Variants in ITGB3 observed in about 807,000 individuals in gnomAD.
The protein encoded by ITGB3 is integrin beta-3.
ITGB3 carries 48 observed loss-of-function variants against 85.8 expected under a neutral mutation model. That is an observed-to-expected ratio of 0.56 (90% CI 0.44 to 0.71). ITGB3 has a LOEUF of 0.71. Ranked by LOEUF, ITGB3 falls within the 30% of genes least tolerant of loss-of-function variation. ITGB3 has a pLI of 0.00. For missense variants in ITGB3, 861 were observed against 1,019.1 expected, an observed-to-expected ratio of 0.84 and a Z score of 2.11; for synonymous variants, 363 against 395.6, an observed-to-expected ratio of 0.92 and a Z score of 0.98.
chr17:47,282,948 CA>C (rs1179068391), intron 2 of ITGB3, among the ~76,000 whole-genome samples: 1 of 152,210 alleles, frequency 6.6e-6, no homozygotes, highest in African/African-American at 2.4e-5. Context: ...TTGGGACCCA[CA>C]AATGTGTGGT....
chr17:47,306,546 G>A (rs997259060), intron 13 of ITGB3, among the ~76,000 whole-genome samples: 4 of 152,200 alleles, frequency 2.6e-5, no homozygotes, highest in Non-Finnish European at 4.4e-5. Flanking sequence ...CCAAGTGCTG[G>A]CATTATAGGC....
intron 1 of ITGB3, among the ~76,000 whole-genome samples, chr17:47,257,809 G>A (rs1379185445): frequency 1.3e-5 from 2 of 152,190 alleles, no homozygotes; most frequent in Non-Finnish European, 2.9e-5. Context: ...CGTTAGAAGG[G>A]CAACATTCTC....
intron 4 of ITGB3, 82 bp downstream of exon 4, chr17:47,284,777 A>G: frequency 6.3e-7 from 1 of 1,579,022 alleles, no homozygotes; most frequent in Non-Finnish European, 8.7e-7. Context: ...TAGCTCTAGG[A>G]TCACTTTGTT....
Position 47,290,222 on chromosome 17 carries a change from T to C in ITGB3, c.1073T>C (p.Val358Ala). Residue 358 changes from valine to alanine, a missense_variant, in exon 8 of 15, where the codon GTT (valine) becomes GCT (alanine). By Grantham distance (64) the Val-to-Ala change is moderately conservative. Coordinates refer to ENST00000559488, the MANE Select transcript of ITGB3 (RefSeq NM_000212.3). Reference sequence around the variant, plus strand: ...CTCATCCCAGGGACCACAGTTGGGGTTCTGTCCATGGATTCCAGCAATGTC... The same window carrying C: ...CTCATCCCAGGGACCACAGTTGGGGCTCTGTCCATGGATTCCAGCAATGTC... Reference protein sequence around the residue: ...SELIPGTTVGVLSMDSSNVLQ... With the variant: ...SELIPGTTVGALSMDSSNVLQ... 1 of 1,614,070 alleles carries C rather than the reference T, an allele frequency of 6.2e-7. No homozygotes were observed. The highest frequency in any genetic ancestry group is 8.5e-7 in the Non-Finnish European group (1 of 1,179,962).
chr17:47,269,400 T>C (rs114408835), intron 1 of ITGB3, among the ~76,000 whole-genome samples: 506 of 152,348 alleles, frequency 3.3e-3, no homozygotes, highest in African/African-American at 0.012. Flanking sequence ...CTGTATGCTT[T>C]GCTGCCTAGA....
At chr17:47,265,326 G>A (rs2065021540) in intron 1 of ITGB3, among the ~76,000 whole-genome samples, 1 of 152,044 alleles carries the variant, frequency 6.6e-6, no homozygotes, top group Admixed American at 6.6e-5. Flanking sequence ...CCACAAACTG[G>A]GTGGCATAAA....
At chr17:47,292,016 A>G (rs1342519070) in intron 9 of ITGB3, 123 bp from the exon 10 acceptor site, 8 of 974,974 alleles carry the variant, frequency 8.2e-6, no homozygotes, top group Non-Finnish European at 1.3e-5. Context: ...CCAGATTGCA[A>G]AAGCATAAGA....
chr17:47,273,751 C>T (rs1555571655), intron 1 of ITGB3, among the ~76,000 whole-genome samples: 2 of 152,226 alleles, frequency 1.3e-5, no homozygotes, highest in African/African-American at 2.4e-5. Context: ...AATTCAAGCA[C>T]AAACCTTCCA....
intron 2 of ITGB3, among the ~76,000 whole-genome samples, chr17:47,277,899 A>G (rs1055698260): frequency 3.3e-5 from 5 of 152,224 alleles, no homozygotes; most frequent in Admixed American, 3.3e-4. Context: ...ACATTTCTTT[A>G]TAATCACAAA....
intron 1 of ITGB3, among the ~76,000 whole-genome samples, chr17:47,256,476 C>G (rs531798629): frequency 6.1e-5 from 9 of 148,710 alleles, no homozygotes; most frequent in South Asian, 2.1e-4. Context: ...GAGTAATACC[C>G]CCCCCCCCAA....
chr17:47,258,742 G>GC lies in ITGB3; in HGVS notation c.79+4809dup, dbSNP rs543316800. Among the ~76,000 whole-genome samples, 32 of 152,052 alleles carry GC rather than the reference G, an allele frequency of 2.1e-4. 1 individual carries two copies. In the South Asian group the frequency reaches 3.9e-3, roughly 19 times the overall value. On this transcript the variant is annotated intron_variant, in intron 1 of 14. Coordinates refer to ENST00000559488, the MANE Select transcript of ITGB3 (RefSeq NM_000212.3). Reference sequence around the variant, plus strand: ...ACAGGCGTGAGCTACTGTGCCAGGTGCCCCCCCAGCTCTTTTGTAATCGAT... The same window carrying GC: ...ACAGGCGTGAGCTACTGTGCCAGGTGCCCCCCCCAGCTCTTTTGTAATCGAT...
At chr17:47,254,117 G>A (rs916325695) in intron 1 of ITGB3, among the ~76,000 whole-genome samples, 177 bp downstream of exon 1, 2 of 152,176 alleles carry the variant, frequency 1.3e-5, no homozygotes. Flanking sequence ...TGGCCCGGCG[G>A]TGGCGGGGCT....
intron 1 of ITGB3, among the ~76,000 whole-genome samples, chr17:47,268,291 A>G (rs1407872726): frequency 6.6e-6 from 1 of 152,190 alleles, no homozygotes. Context: ...ACATTTCAAA[A>G]CACAATCATG....
chr17:47,255,968 AAAAT>A (rs574713478), intron 1 of ITGB3, among the ~76,000 whole-genome samples: 23 of 150,966 alleles, frequency 1.5e-4, no homozygotes, highest in African/African-American at 4.6e-4. Flanking sequence ...CAACTCAGTA[AAAAT>A]AAATAAATAA....
At position 47,310,914 on chromosome 17, in the gene ITGB3, T is replaced by C. The variant is rs1567772020; in HGVS notation, c.*710T>C. The C allele has an allele frequency of 6.4e-6, 1 of 157,336 alleles. No individual in the cohort carries two copies. The highest frequency in any genetic ancestry group is 1.9e-4 in the South Asian group (1 of 5,192). The allele number at this position is 157,336 out of a possible 1,614,324, so 9.7% of individuals were successfully genotyped here. The stretch of plus-strand genomic sequence containing the variant: ...GGATGTCTGGGCCACTCAGGGGTCA[T>C]TCATGGCCTGGGGGATGTACCAGCA... On this transcript the variant is annotated 3_prime_UTR_variant, in exon 15 of 15. Transcript: ENST00000559488.
At chr17:47,282,923 C>T (rs960308473) in intron 2 of ITGB3, among the ~76,000 whole-genome samples, 1 of 152,142 alleles carries the variant, frequency 6.6e-6, no homozygotes, top group Admixed American at 6.5e-5. Flanking sequence ...ATGGTTGACA[C>T]CTGCTAAATT....
intron 10 of ITGB3, among the ~76,000 whole-genome samples, chr17:47,298,575 A>G (rs766724005): frequency 7.9e-5 from 12 of 152,082 alleles, no homozygotes; most frequent in Non-Finnish European, 1.3e-4. Context: ...TCCCTATGCT[A>G]CAATTTTCCT....
At chr17:47,292,008 A>T in intron 9 of ITGB3, 131 bp from the exon 10 acceptor site, 1 of 870,764 alleles carries the variant, frequency 1.1e-6, no homozygotes. Flanking sequence ...GAGGAACTCC[A>T]GATTGCAAAA....
intron 1 of ITGB3, among the ~76,000 whole-genome samples, chr17:47,273,155 G>A (rs930648221): frequency 1.3e-5 from 2 of 152,112 alleles, no homozygotes; most frequent in South Asian, 4.2e-4. Context: ...TGGGAAGGAG[G>A]GAATTCAGTC....
Sources: allele counts gnomAD v4.1 joint callset (sites outside exome capture counted in the v4.1 genomes callset), GRCh38; gene constraint gnomAD v4.1.1; transcripts MANE v1.5; gene names NCBI Gene and HGNC (gene_info 2026-07-23, HGNC 2026-07-21).